ZBTB17: variants seen among roughly 807,000 people sequenced by gnomAD.
The protein encoded by ZBTB17 is zinc finger and BTB domain-containing protein 17.
A neutral mutation model predicts 85.1 loss-of-function variants in ZBTB17; 24 were observed. The observed-to-expected ratio is 0.28, with a 90% CI of 0.20 to 0.40. The LOEUF (loss-of-function observed/expected upper bound fraction) is 0.40, where lower values mean the gene tolerates loss of function less well. Among genes scored for constraint, ZBTB17 ranks in the 10% least tolerant of loss-of-function variants. The probability of loss-of-function intolerance (pLI) is 1.00; values close to 1 mark genes in which losing one functional copy is unlikely to be tolerated. For synonymous variants in ZBTB17, 464 were observed against 460.2 expected (o/e 1.01, Z -0.11); for missense variants, 743 against 1,105.1 (o/e 0.67, Z 4.65).
Position 15,942,233 on chromosome 1 carries a change from G to C in ZBTB17, c.2148C>G (p.Leu716=). Residue 716 remains leucine (L), a synonymous_variant, in exon 16 of 16, where the codon CTC becomes CTG. Transcript: ENST00000375743. ...TGTCCCCACAGGAGTCACAGGCGTAGAGGATGTGAGTGTTGGGGTCTGTGG... is the reference window on the plus strand; with the variant it reads ...TGTCCCCACAGGAGTCACAGGCGTACAGGATGTGAGTGTTGGGGTCTGTGG... ...VQEEDPNTHI[L]YACDSCGDKF... 6.2e-7 allele frequency: 1 copy of C among 1,613,608 alleles called. No homozygotes were observed. Among genetic ancestry groups the C allele is most frequent in the Non-Finnish European group, 8.5e-7 (1 of 1,179,778 alleles).
chr1:15,948,065 T>C (rs916497826), intron 3 of ZBTB17: 2 of 607,264 alleles, frequency 3.3e-6, no homozygotes, highest in East Asian at 5.7e-5. Context: ...GAGCTCATCA[T>C]GAGCCCTTCC....
rs1034923725 is a variant in ZBTB17, at chr1:15,966,861, T to A, written c.-3+6178A>T. 6.8e-6 allele frequency among the ~76,000 whole-genome samples: 1 copy of A among 146,952 alleles called. No homozygotes were observed. Among genetic ancestry groups the A allele is most frequent in the Non-Finnish European group, 1.5e-5 (1 of 66,402 alleles). On this transcript the variant is annotated intron_variant, in intron 2 of 15. Transcript: ENST00000375743. This position sits in a 1 kb window ranked among gnomAD's most constrained non-coding sequence, Gnocchi z 4.1. ...AGGTCGAGGCTGCAGTGAGCTATAA[T>A]CCCAGCACTGCACTCCAACCTGGGC...
At chr1:15,970,615 C>G (rs2148815679) in intron 2 of ZBTB17, among the ~76,000 whole-genome samples, 1 of 152,072 alleles carries the variant, frequency 6.6e-6, no homozygotes, top group South Asian at 2.1e-4. Context: ...GTGGCGTGAT[C>G]TCGGCTCACT....
chr1:15,944,183 A>T, intron 9 of ZBTB17, 117 bp downstream of exon 9: 1 of 1,388,758 alleles, frequency 7.2e-7, no homozygotes, highest in Non-Finnish European at 9.7e-7. Context: ...TGGGTGAACA[A>T]GCTGATGAGC....
intron 2 of ZBTB17, chr1:15,969,501 G>A (rs1332009369): frequency 7.2e-6 from 2 of 277,386 alleles, no homozygotes; most frequent in Non-Finnish European, 1.4e-5. Context: ...GGTCCTAGGT[G>A]CACGGGGGCC....
At chr1:15,958,415 C>CAAAAA (rs34593133) in intron 2 of ZBTB17, among the ~76,000 whole-genome samples, 1 of 84,598 alleles carries the variant, frequency 1.2e-5, no homozygotes, top group Admixed American at 1.1e-4. Context: ...CCAATACGAC[C>CAAAAA]AAAAAAAAAA....
rs1454477944 is a variant in ZBTB17 at position 15,943,464 on chromosome 1, G to A, written c.1632C>T (p.Ser544=). ...TGTGCTGGCGCACGTGGGCGATGAG[G>A]GAGCTGGCCTGGGTGAAGGCCTTAC... ...MCGKAFTQAS[S]LIAHVRQHTG... Residue 544 remains serine, a synonymous_variant, in exon 12 of 16, where the codon TCC becomes TCT. Transcript: ENST00000375743. 18 of 1,611,500 alleles carry A rather than the reference G, an allele frequency of 1.1e-5. No individual in the cohort carries two copies. In the Admixed American group the frequency reaches 2.5e-4, roughly 22 times the overall value.
At chr1:15,955,768 A>G (rs536509122) in intron 2 of ZBTB17, among the ~76,000 whole-genome samples, 2 of 152,334 alleles carry the variant, frequency 1.3e-5, no homozygotes, top group East Asian at 3.9e-4. Context: ...AGCCTGGGCA[A>G]CATAGTGAGA....
At chr1:15,947,914 A>G (rs72885821) in intron 3 of ZBTB17, among the ~76,000 whole-genome samples, 142 of 152,168 alleles carry the variant, frequency 9.3e-4, no homozygotes, top group African/African-American at 3.3e-3. Flanking sequence ...GGCCTTCCCC[A>G]TCACCTCTCC....
chr1:15,948,248 C>A, intron 3 of ZBTB17, 43 bp downstream of exon 3: 2 of 1,611,680 alleles, frequency 1.2e-6, no homozygotes, highest in South Asian at 2.2e-5. Flanking sequence ...CCGGCCATAG[C>A]TTCTGGCTAT....
chr1:15,950,925 G>A (rs1396319320), intron 2 of ZBTB17, among the ~76,000 whole-genome samples: 2 of 152,160 alleles, frequency 1.3e-5, no homozygotes, highest in African/African-American at 4.8e-5. Context: ...AGCTGTCCTG[G>A]GACTGGATGG....
At chr1:15,958,332 T>G (rs1159417371) in intron 2 of ZBTB17, among the ~76,000 whole-genome samples, 1 of 150,148 alleles carries the variant, frequency 6.7e-6, no homozygotes, top group East Asian at 2.0e-4. Context: ...ACAGGGCCCC[T>G]GTCAAACAGG....
chr1:15,946,073 C>G, intron 5 of ZBTB17, 81 bp downstream of exon 5: 1 of 1,596,626 alleles, frequency 6.3e-7, no homozygotes, highest in Non-Finnish European at 8.5e-7. Context: ...GCTACCTGCC[C>G]CAAGGCAGCC....
chr1:15,957,694 G>GT (rs1462461586), intron 2 of ZBTB17, among the ~76,000 whole-genome samples: 1 of 152,148 alleles, frequency 6.6e-6, no homozygotes, highest in Non-Finnish European at 1.5e-5. Context: ...AGAGACAGCA[G>GT]TGGCCTCACC....
In ZBTB17 at chr1:15,943,269, AG is replaced by A. The variant is rs1215997906; in HGVS notation, c.1698-76del. ...TCCTGCCTCACCCTCTAGACTGAAA[AG>A]GACCCCTAGGACCAGAGCCTGGGGC... On this transcript the variant is annotated intron_variant, in intron 12 of 15. Coordinates refer to ENST00000375743, the MANE Select transcript of ZBTB17 (RefSeq NM_003443.3). The A allele has an allele frequency of 1.5e-5, 24 of 1,605,192 alleles. No homozygotes were observed. In the African/African-American group the frequency reaches 2.8e-4, roughly 19 times the overall value.
intron 2 of ZBTB17, among the ~76,000 whole-genome samples, chr1:15,968,038 GGA>G (rs142555745): frequency 0.034 from 5,229 of 152,178 alleles, 124 homozygotes; most frequent in Non-Finnish European, 0.049. Flanking sequence ...GCATCTATGG[GGA>G]GAGGCCAGAG....
chr1:15,969,513 AG>A, intron 2 of ZBTB17: 1 of 280,414 alleles, frequency 3.6e-6, no homozygotes, highest in African/African-American at 2.3e-5. Flanking sequence ...ACGGGGGCCG[AG>A]GGGGCACGAG....
At chr1:15,950,098 G>C (rs1383530407) in intron 2 of ZBTB17, among the ~76,000 whole-genome samples, 1 of 152,238 alleles carries the variant, frequency 6.6e-6, no homozygotes, top group Non-Finnish European at 1.5e-5. Context: ...GAGAGCCAGG[G>C]CCAGCCCCGA....
intron 1 of ZBTB17, among the ~76,000 whole-genome samples, chr1:15,975,176 C>T (rs986404768): frequency 1.1e-4 from 16 of 152,220 alleles, no homozygotes; most frequent in Non-Finnish European, 2.1e-4. Context: ...AATGGTGATA[C>T]AATTAATAAC....
Sources: gnomAD v4.1 joint callset for allele counts (sites outside exome capture counted in the v4.1 genomes callset) on GRCh38, gnomAD v4.1.1 for gene constraint, Gnocchi (gnomAD v3.1) non-coding constraint, MANE v1.5 for transcripts, NCBI Gene and HGNC (gene_info 2026-07-23, HGNC 2026-07-21) for gene names.